The following MAP7D2 variants were observed in gnomAD, a reference collection of about 807,000 sequenced individuals.
MAP7D2 encodes MAP7 domain-containing protein 2.
A neutral mutation model predicts 63.5 loss-of-function variants in MAP7D2; 33 were observed. That is an observed-to-expected ratio of 0.52 (90% CI 0.39 to 0.70). MAP7D2 has a LOEUF of 0.70. Among genes scored for constraint, MAP7D2 ranks in the 30% least tolerant of loss-of-function variants. The pLI is 0.00. For missense variants in MAP7D2, 626 were observed against 604.0 expected (o/e 1.04, Z -0.38); for synonymous variants, 224 against 223.7 (o/e 1.00, Z -0.01).
At chrX:20,091,259 G>A (rs937511092) in intron 1 of MAP7D2, among the ~76,000 whole-genome samples, 1 of 106,825 alleles carries the variant, frequency 9.4e-6, no homozygotes, top group Non-Finnish European at 1.9e-5. Flanking sequence ...CACCATGTTG[G>A]CCAGGCTGGT....
chrX:20,052,829 C>A (rs2039945984), intron 5 of MAP7D2, 49 bp downstream of exon 5: 2 of 972,739 alleles, frequency 2.1e-6, no homozygotes, highest in Admixed American at 2.2e-5. Flanking sequence ...AAGATGCTCA[C>A]ACCAGAAAAG....
intron 1 of MAP7D2, among the ~76,000 whole-genome samples, chrX:20,076,800 C>T (rs766471771): frequency 2.7e-5 from 3 of 112,174 alleles, no homozygotes; most frequent in Non-Finnish European, 3.8e-5. Flanking sequence ...AAATCTACGC[C>T]GTTAATAGAT....
chrX:20,060,432 G>GAGAGAA (rs1398752566), intron 3 of MAP7D2, among the ~76,000 whole-genome samples: 3 of 69,227 alleles, frequency 4.3e-5, no homozygotes, highest in African/African-American at 2.2e-4. Context: ...GAGAGAGAGA[G>GAGAGAA]AGAAAGAAAG....
intron 5 of MAP7D2, among the ~76,000 whole-genome samples, chrX:20,051,557 A>C (rs1261292930): frequency 9.4e-6 from 1 of 106,099 alleles, no homozygotes; most frequent in Non-Finnish European, 2.0e-5. Flanking sequence ...AAAAAAAAAC[A>C]AACAAAAAAA....
chrX:20,091,352 C>T (rs1423902129), intron 1 of MAP7D2, among the ~76,000 whole-genome samples: 1 of 106,072 alleles, frequency 9.4e-6, no homozygotes, highest in Non-Finnish European at 1.9e-5. Flanking sequence ...CGTGCCCGGC[C>T]CAGAACACTC....
intron 1 of MAP7D2, among the ~76,000 whole-genome samples, chrX:20,067,104 C>T (rs1434434581): frequency 8.9e-6 from 1 of 112,443 alleles, no homozygotes; most frequent in Admixed American, 9.4e-5. Context: ...CCTAGACAGA[C>T]GCTCTCATTG....
At chrX:20,030,209 T>G (rs1484145756) in intron 8 of MAP7D2, among the ~76,000 whole-genome samples, 2 of 112,354 alleles carry the variant, frequency 1.8e-5, no homozygotes, top group Admixed American at 1.9e-4. Flanking sequence ...GTGAGGTACG[T>G]AGGAAATTGC....
intron 6 of MAP7D2, chrX:20,049,753 G>A (rs1041850147): frequency 4.9e-5 from 13 of 265,888 alleles, no homozygotes; most frequent in Non-Finnish European, 7.9e-5. Flanking sequence ...TTTGAGCAAC[G>A]GTCAGACTGT....
chrX:20,064,866 C>T, intron 1 of MAP7D2, 61 bp from the exon 2 acceptor site: 1 of 999,423 alleles, frequency 1.0e-6, no homozygotes, highest in South Asian at 2.0e-5. Context: ...CTGCTAAGTA[C>T]TATAGGCAAC....
chrX:20,032,851 T>C (rs1204723985), intron 8 of MAP7D2, among the ~76,000 whole-genome samples: 2 of 112,410 alleles, frequency 1.8e-5, no homozygotes, highest in East Asian at 5.6e-4. Flanking sequence ...AGTCCTTCAC[T>C]GGCCTGACAG....
chrX:20,090,330 C>T (rs1299324513), intron 1 of MAP7D2, among the ~76,000 whole-genome samples: 1 of 92,193 alleles, frequency 1.1e-5, no homozygotes, highest in African/African-American at 4.1e-5. Context: ...CCTGTCTGCA[C>T]TCCAGCCTGG....
At chrX:20,093,098 T>C (rs1017298028) in intron 1 of MAP7D2, among the ~76,000 whole-genome samples, 1 of 111,872 alleles carries the variant, frequency 8.9e-6, no homozygotes, top group African/African-American at 3.3e-5. Context: ...AAAAGAAGGC[T>C]GGCCTCATAG....
intron 1 of MAP7D2, among the ~76,000 whole-genome samples, chrX:20,102,636 G>A (rs937348340): frequency 9.0e-6 from 1 of 110,616 alleles, no homozygotes; most frequent in Non-Finnish European, 1.9e-5. Flanking sequence ...TGACCTGGAC[G>A]GACGGACAGA....
chrX:20,064,738 T>C lies in MAP7D2; in HGVS notation c.198A>G (p.Glu66=), dbSNP rs1425749077. 3.3e-6 allele frequency: 4 copies of C among 1,208,572 alleles called. No individual in the cohort carries two copies. The highest frequency in any genetic ancestry group is 1.7e-5 in the African/African-American group (1 of 57,144). ...RLAKERREER[E]KCLAAREQQI... is the part of the protein sequence containing the mutation. ...AAGTGCATAACTTACCCAGACATTT[T>C]TCTCTTTCTTCTCGTCTTTCTTTGG... The change falls in exon 2 of 17, where the codon GAA becomes GAG. Residue 66 remains glutamate, a synonymous_variant. Transcript: ENST00000379643.
intron 15 of MAP7D2, among the ~76,000 whole-genome samples, chrX:20,011,548 A>G (rs2073201723): frequency 8.9e-6 from 1 of 112,222 alleles, no homozygotes; most frequent in African/African-American, 3.2e-5. Flanking sequence ...GTAAAATGGG[A>G]ACAATTGTTT....
At chrX:20,039,997 C>CAAAA (rs759631358) in intron 8 of MAP7D2, among the ~76,000 whole-genome samples, 3 of 29,774 alleles carry the variant, frequency 1.0e-4, no homozygotes, top group Non-Finnish European at 1.2e-4. Context: ...GACTCCATCT[C>CAAAA]AAAAAAAAAA....
chrX:20,088,505 T>G (rs1270352837), intron 1 of MAP7D2, among the ~76,000 whole-genome samples: 4 of 74,793 alleles, frequency 5.3e-5, no homozygotes, highest in African/African-American at 2.5e-4. Context: ...TTTTTTTTTT[T>G]GCAGAGACAG....
chrX:20,030,228 A>G (rs2074004776), intron 8 of MAP7D2, among the ~76,000 whole-genome samples: 1 of 112,264 alleles, frequency 8.9e-6, no homozygotes, highest in African/African-American at 3.2e-5. Flanking sequence ...GCTATTAACC[A>G]TATTTTACAG....
intron 8 of MAP7D2, among the ~76,000 whole-genome samples, chrX:20,034,225 CAAAAAAAAAA>C (rs397895765): frequency 3.7e-5 from 1 of 27,183 alleles, no homozygotes; most frequent in Non-Finnish European, 5.8e-5. Flanking sequence ...ACCCTGTCTC[CAAAAAAAAAA>C]AAAAAAAAAA....
Sources: allele counts gnomAD v4.1 joint callset (sites outside exome capture counted in the v4.1 genomes callset), GRCh38; gene constraint gnomAD v4.1.1; transcripts MANE v1.5; gene names NCBI Gene and HGNC (gene_info 2026-07-23, HGNC 2026-07-21).